HTT: variants seen among roughly 807,000 people sequenced by gnomAD.
HTT encodes huntingtin.
HTT carries 104 observed loss-of-function variants against 362.3 expected under a neutral mutation model. The ratio of observed to expected loss-of-function variants is 0.29; its 90% CI spans 0.24 to 0.34. HTT has a LOEUF of 0.34. HTT is among the 10% of genes least tolerant of loss of function. The probability of loss-of-function intolerance (pLI) is 1.00; values close to 1 mark genes in which losing one functional copy is unlikely to be tolerated. For synonymous variants in HTT, 1,577 were observed against 1,548.7 expected (o/e 1.02, Z -0.43); for missense variants, 3,301 against 3,928.6 (o/e 0.84, Z 4.27).
chr4:3,135,322 C>CA (rs11311818), intron 19 of HTT, among the ~76,000 whole-genome samples: 2,145 of 135,188 alleles, frequency 0.016, 51 homozygotes, highest in African/African-American at 0.051. Context: ...GACTTGGCCT[C>CA]AAAAAAAAAA....
Position 3,146,821 on chromosome 4 carries a change from T to A in HTT, c.3168T>A (p.Asp1056Glu). 6.2e-7 allele frequency: 1 copy of A among 1,614,120 alleles called. No individual in the cohort carries two copies. The highest frequency in any genetic ancestry group is 2.2e-5 in the East Asian group (1 of 44,890). The change falls in exon 25 of 67, where the codon GAT (aspartate) becomes GAA (glutamate). Residue 1056 changes from aspartate to glutamate, a missense_variant. Coordinates refer to ENST00000355072, the MANE Select transcript of HTT (RefSeq NM_001388492.1). ...GAGTGCCTCCACTGAGTGCCTCAGA[T>A]GAGTCTAGGAAGAGCTGTACCGTTG... is the stretch of plus-strand genomic sequence containing the variant. ...HCGVPPLSAS[D>E]ESRKSCTVGM...
intron 62 of HTT, 52 bp downstream of exon 62, chr4:3,235,450 C>T (rs1345870064): frequency 6.6e-7 from 1 of 1,506,242 alleles, no homozygotes; most frequent in South Asian, 1.1e-5. Context: ...GGCTTCCCTT[C>T]TCTTTTCCTT....
intron 8 of HTT, among the ~76,000 whole-genome samples, chr4:3,118,464 A>T (rs1715136095): frequency 6.6e-6 from 1 of 152,204 alleles, no homozygotes; most frequent in East Asian, 1.9e-4. Context: ...GACCCGGCAC[A>T]GAGTTGGGAG....
chr4:3,187,846 G>C lies in HTT; in HGVS notation c.5185G>C (p.Gly1729Arg). The change falls in exon 39 of 67, where the codon GGG becomes CGG. Residue 1729 changes from glycine to arginine, a missense_variant. Transcript: ENST00000355072. The part of the protein sequence containing the change: ...STSTLEEHSE[G>R]KQIKNLPEET... ...TTCAACGCTAGAAGAACACAGTGAA[G>C]GGAAACAAATAAAGAATTTGCCAGA... 2 of 1,612,852 alleles carry C rather than the reference G, an allele frequency of 1.2e-6. No individual in the cohort carries two copies. Among genetic ancestry groups the C allele is most frequent in the African/African-American group, 2.7e-5 (2 of 74,960 alleles).
intron 8 of HTT, among the ~76,000 whole-genome samples, chr4:3,119,345 A>G (rs1715183815): frequency 6.6e-6 from 1 of 152,230 alleles, no homozygotes; most frequent in South Asian, 2.1e-4. Context: ...GAAGCAAAAT[A>G]AGGTGCAGAA....
chr4:3,146,176 C>G (rs1008705720), intron 24 of HTT, among the ~76,000 whole-genome samples: 1 of 152,158 alleles, frequency 6.6e-6, no homozygotes, highest in South Asian at 2.1e-4. Flanking sequence ...TCTTAATGCT[C>G]AGTCAGCACC....
chr4:3,235,051 G>A (rs969177305), intron 61 of HTT, among the ~76,000 whole-genome samples: 3 of 152,164 alleles, frequency 2.0e-5, no homozygotes, highest in Non-Finnish European at 4.4e-5. Flanking sequence ...GAGTTAGGCC[G>A]AGAGGGCAGG....
At chr4:3,130,463 C>T (rs1421067948) in intron 14 of HTT, 40 bp downstream of exon 14, 1 of 1,133,010 alleles carries the variant, frequency 8.8e-7, no homozygotes, top group Non-Finnish European at 1.3e-6. Context: ...TGTTTCTGAG[C>T]TTGTGTGAGG....
Position 3,132,596 on chromosome 4 carries a change from C to G in HTT, c.2271C>G (p.Ile757Met). The change falls in exon 17 of 67, where the codon ATC becomes ATG. Residue 757 changes from isoleucine (I) to methionine (M), a missense_variant. Coordinates refer to ENST00000355072, the MANE Select transcript of HTT (RefSeq NM_001388492.1). ...EQYVSDILNY[I>M]DHGDPQVRGA... ...ATGTCTCAGACATCTTGAACTACAT[C>G]GATCATGGAGACCCACAGGTTCGAG... The G allele has an allele frequency of 6.2e-7, 1 of 1,613,984 alleles. No individual in the cohort carries two copies. Among genetic ancestry groups the G allele is most frequent in the Non-Finnish European group, 8.5e-7 (1 of 1,179,886 alleles).
At chr4:3,077,140 TGCA>T (rs1712598628) in intron 1 of HTT, among the ~76,000 whole-genome samples, 1 of 152,158 alleles carries the variant, frequency 6.6e-6, no homozygotes, top group Non-Finnish European at 1.5e-5. Flanking sequence ...ATCACGCCAC[TGCA>T]CTCCAGCCTG....
intron 46 of HTT, among the ~76,000 whole-genome samples, chr4:3,209,477 C>T (rs527354079): frequency 2.6e-4 from 40 of 152,328 alleles, no homozygotes; most frequent in African/African-American, 8.9e-4. Context: ...AGGCTCTATT[C>T]GCTAAGCACC....
intron 2 of HTT, among the ~76,000 whole-genome samples, chr4:3,089,815 T>G (rs1713407340): frequency 1.3e-5 from 2 of 152,252 alleles, no homozygotes; most frequent in Non-Finnish European, 2.9e-5. Flanking sequence ...AAGATTGATT[T>G]GTGGTTCTAT....
At chr4:3,191,958 A>G (rs550053246) in intron 40 of HTT, among the ~76,000 whole-genome samples, 52 of 152,298 alleles carry the variant, frequency 3.4e-4, no homozygotes, top group African/African-American at 1.2e-3. Flanking sequence ...AAGCTCCTGG[A>G]AAGTGCAGGC....
At chr4:3,105,105 GAC>G (rs969245019) in intron 4 of HTT, among the ~76,000 whole-genome samples, 6 of 152,122 alleles carry the variant, frequency 3.9e-5, no homozygotes, top group Non-Finnish European at 7.3e-5. Flanking sequence ...CTGTTTGGTA[GAC>G]GATTGCTTTA....
At chr4:3,232,011 G>T (rs559958213) in intron 60 of HTT, among the ~76,000 whole-genome samples, 1 of 152,200 alleles carries the variant, frequency 6.6e-6, no homozygotes, top group African/African-American at 2.4e-5. Flanking sequence ...TGGTACCCAC[G>T]TATCCAGAGC....
chr4:3,148,238 C>G, intron 26 of HTT, 31 bp downstream of exon 26: 1 of 1,479,858 alleles, frequency 6.8e-7, no homozygotes, highest in Non-Finnish European at 9.2e-7. Context: ...TGGATTCATA[C>G]AGCCTTAATG....
At chr4:3,122,410 G>A (rs1478697403) in intron 9 of HTT, among the ~76,000 whole-genome samples, 1 of 152,220 alleles carries the variant, frequency 6.6e-6, no homozygotes, top group South Asian at 2.1e-4. Flanking sequence ...CCACATTAGA[G>A]AGAATCTGAC....
chr4:3,242,835 GT>G lies in HTT; in HGVS notation c.*2779del, dbSNP rs1261373759. On this transcript the variant is annotated 3_prime_UTR_variant, in exon 67 of 67. Transcript: ENST00000355072. ...ATTGTTTGGCAATGCACTGAAGCGT[GT>G]TTCTTTCCCAAAATGTGCCTCCCTT... The G allele has an allele frequency of 1.3e-5, 2 of 152,174 alleles. No homozygotes were observed. The highest frequency in any genetic ancestry group is 4.8e-5 in the African/African-American group (2 of 41,440). 9.4% of individuals were successfully genotyped at this position (152,174 alleles called of 1,614,324 possible). A position where few individuals can be genotyped will look rare whatever the true frequency, so the allele number is the denominator to read the frequency against.
In HTT at chr4:3,095,407, T is replaced by C. The variant is rs554060724; in HGVS notation, c.348-3867T>C. Among the ~76,000 whole-genome samples, 18 of 152,252 alleles carry C rather than the reference T, an allele frequency of 1.2e-4. 1 individual carries two copies. In the South Asian group the frequency reaches 3.7e-3, roughly 32 times the overall value. On this transcript the variant is annotated intron_variant, in intron 2 of 66. Transcript: ENST00000355072. ...CAGACATGGCGGTGCGTGCCTGCAA[T>C]CCCAGGCACTTGGCAGGCTGAGGCA...
Sources: allele counts gnomAD v4.1 joint callset (sites outside exome capture counted in the v4.1 genomes callset), GRCh38; gene constraint gnomAD v4.1.1; transcripts MANE v1.5; gene names NCBI Gene and HGNC (gene_info 2026-07-23, HGNC 2026-07-21).